The following FSTL5 variants were observed in gnomAD, a reference collection of about 807,000 sequenced individuals.
FSTL5 encodes follistatin like 5, also known as follistatin-related protein 5.
A neutral mutation model predicts 89.1 loss-of-function variants in FSTL5; 62 were observed. The ratio of observed to expected loss-of-function variants is 0.70; its 90% confidence interval spans 0.57 to 0.86. The LOEUF (loss-of-function observed/expected upper bound fraction) is 0.86, where lower values mean the gene tolerates loss of function less well. Among genes scored for constraint, FSTL5 ranks in the 40% least tolerant of loss-of-function variants. FSTL5 has a pLI of 0.00. For synonymous variants in FSTL5, 383 were observed against 346.2 expected, an observed-to-expected ratio of 1.11 and a Z score of -1.18; for missense variants, 1,057 against 1,001.6, an observed-to-expected ratio of 1.06 and a Z score of -0.75.
At chr4:161,790,977 C>T (rs187055911) in intron 4 of FSTL5, among the ~76,000 whole-genome samples, 177 of 106,734 alleles carry the variant, frequency 1.7e-3, no homozygotes, top group African/African-American at 4.6e-3. Flanking sequence ...GTCCCTAGCA[C>T]GAGTCCATCT....
At chr4:161,585,786 G>A (rs774578832) in intron 8 of FSTL5, among the ~76,000 whole-genome samples, 1 of 152,080 alleles carries the variant, frequency 6.6e-6, no homozygotes, top group Non-Finnish European at 1.5e-5. Flanking sequence ...ATAGGGACGA[G>A]CATCCTCAGC....
intron 6 of FSTL5, among the ~76,000 whole-genome samples, chr4:161,672,985 T>A (rs1020623918): frequency 6.6e-6 from 1 of 152,114 alleles, no homozygotes; most frequent in South Asian, 2.1e-4. Context: ...TGCAGTACAG[T>A]ACAATTGGAA....
intron 11 of FSTL5, among the ~76,000 whole-genome samples, chr4:161,506,515 TGA>T (rs1730488461): frequency 6.6e-6 from 1 of 152,186 alleles, no homozygotes. Context: ...AGATTTTGGT[TGA>T]ACCCATCTCC....
intron 6 of FSTL5, among the ~76,000 whole-genome samples, chr4:161,741,681 A>ATTTTT (rs367947098): frequency 9.6e-6 from 1 of 104,672 alleles, no homozygotes; most frequent in Non-Finnish European, 2.1e-5. Context: ...GAGAAGTATG[A>ATTTTT]TTTTTTTTTT....
intron 3 of FSTL5, among the ~76,000 whole-genome samples, chr4:161,976,658 T>A (rs1735657275): frequency 6.6e-6 from 1 of 151,954 alleles, no homozygotes; most frequent in African/African-American, 2.4e-5. Context: ...ATTTTTTGTA[T>A]TTTTAGTAGA....
rs1293339847 is a variant in FSTL5 at position 161,385,624 on chromosome 4, A to G, written c.*123T>C. 2 of 681,556 alleles carry G rather than the reference A, an allele frequency of 2.9e-6. No homozygotes were observed. The highest frequency in any genetic ancestry group is 2.7e-5 in the East Asian group (1 of 37,326). 42.2% of individuals were successfully genotyped at this position (681,556 alleles called of 1,614,324 possible). Reference sequence around the variant, plus strand: ...GTCAAAAACAATTTATTTTATTTGGACCAACCAAGTAAATTTTGTTTGACT... The same window carrying G: ...GTCAAAAACAATTTATTTTATTTGGGCCAACCAAGTAAATTTTGTTTGACT... On this transcript the variant is annotated 3_prime_UTR_variant, in exon 16 of 16. Transcript: ENST00000306100.
At chr4:161,454,938 T>G in intron 15 of FSTL5, 66 bp downstream of exon 15, 1 of 1,467,026 alleles carries the variant, frequency 6.8e-7, no homozygotes. Context: ...CTTTACGATT[T>G]CACATGGCTT....
intron 2 of FSTL5, among the ~76,000 whole-genome samples, chr4:162,100,145 T>C (rs114124967): frequency 0.14 from 20,738 of 152,278 alleles, 1,957 homozygotes; most frequent in Non-Finnish European, 0.19. Flanking sequence ...TTATTCATAA[T>C]TGCCAAAATT....
intron 15 of FSTL5, among the ~76,000 whole-genome samples, chr4:161,427,860 T>A (rs1046067590): frequency 6.6e-6 from 1 of 152,178 alleles, no homozygotes; most frequent in African/African-American, 2.4e-5. Flanking sequence ...TTGTCCTCCC[T>A]ACAGGAACAC....
intron 10 of FSTL5, among the ~76,000 whole-genome samples, chr4:161,513,113 A>T (rs1444360041): frequency 6.6e-6 from 1 of 152,148 alleles, no homozygotes; most frequent in Non-Finnish European, 1.5e-5. Context: ...AGCCCATAAA[A>T]TTCACCAATA....
chr4:162,060,602 A>C (rs1738690522), intron 2 of FSTL5, among the ~76,000 whole-genome samples: 2 of 152,026 alleles, frequency 1.3e-5, no homozygotes, highest in Admixed American at 1.3e-4. Flanking sequence ...TTTTTGATCT[A>C]GCTTTCTTCT....
chr4:161,880,382 T>C (rs1732589286), intron 4 of FSTL5, among the ~76,000 whole-genome samples: 1 of 151,968 alleles, frequency 6.6e-6, no homozygotes, highest in Admixed American at 6.6e-5. Context: ...GAACTTGGAG[T>C]TCTGTCTACA....
intron 3 of FSTL5, among the ~76,000 whole-genome samples, chr4:161,959,920 G>A (rs139589231): frequency 6.6e-6 from 1 of 152,108 alleles, no homozygotes; most frequent in African/African-American, 2.4e-5. Context: ...ACCAATTCTG[G>A]CTTCTCCTAT....
At chr4:161,998,643 A>C (rs1438954862) in intron 3 of FSTL5, among the ~76,000 whole-genome samples, 2 of 152,116 alleles carry the variant, frequency 1.3e-5, no homozygotes, top group African/African-American at 4.8e-5. Flanking sequence ...TTTTTCTCTT[A>C]CAATATGTAT....
intron 3 of FSTL5, among the ~76,000 whole-genome samples, chr4:161,961,063 T>A (rs1735161259): frequency 1.3e-5 from 2 of 152,140 alleles, no homozygotes; most frequent in Admixed American, 1.3e-4. Flanking sequence ...TATTTAGATA[T>A]TTATTCTCAA....
At chr4:161,615,473 A>G (rs1245319893) in intron 7 of FSTL5, among the ~76,000 whole-genome samples, 1 of 150,874 alleles carries the variant, frequency 6.6e-6, no homozygotes, top group Non-Finnish European at 1.5e-5. Flanking sequence ...AGAAAGAAAA[A>G]GAAATACAGG....
rs531617582 is a variant in FSTL5, at chr4:161,957,700, T to G, written c.161-37048A>C. 1.1e-4 allele frequency among the ~76,000 whole-genome samples: 17 copies of G among 152,198 alleles called. No individual in the cohort carries two copies. The South Asian group carries it at 3.3e-3, about 30-fold the overall frequency. On this transcript the variant is annotated intron_variant, in intron 3 of 15. Coordinates refer to ENST00000306100, the MANE Select transcript of FSTL5 (RefSeq NM_020116.5). ...AAACATTATGCAGAATCCTCATTCT[T>G]CTTTTTGTTTTAATTTTATTAGCTT... is the stretch of plus-strand genomic sequence containing the variant.
intron 3 of FSTL5, among the ~76,000 whole-genome samples, chr4:161,992,869 T>A (rs370684976): frequency 0.16 from 8,766 of 55,868 alleles, 509 homozygotes; most frequent in South Asian, 0.18. Context: ...AAAATATATA[T>A]ATATATATAT....
chr4:162,139,288 G>T (rs1464285274), intron 1 of FSTL5, among the ~76,000 whole-genome samples: 4 of 151,900 alleles, frequency 2.6e-5, no homozygotes, highest in Non-Finnish European at 4.4e-5. Context: ...CTATCTTTAT[G>T]GCCACATATA....
Sources: allele counts gnomAD v4.1 joint callset (sites outside exome capture counted in the v4.1 genomes callset), GRCh38; gene constraint gnomAD v4.1.1; transcripts MANE v1.5; gene names NCBI Gene and HGNC (gene_info 2026-07-23, HGNC 2026-07-21).